Variants in PRKN observed in about 807,000 individuals in gnomAD.
PRKN encodes E3 ubiquitin-protein ligase parkin.
Under a neutral mutation model 59.5 loss-of-function variants are expected in PRKN, and 56 were observed. The ratio of observed to expected loss-of-function variants is 0.94; its 90% CI spans 0.76 to 1.18. The LOEUF (loss-of-function observed/expected upper bound fraction) is 1.18, where lower values mean the gene tolerates loss of function less well. Among genes scored for constraint, PRKN ranks in the 50% most tolerant of loss-of-function variants. The probability of loss-of-function intolerance (pLI) is 0.00; values close to 1 mark genes in which losing one functional copy is unlikely to be tolerated. For synonymous variants in PRKN, 250 were observed against 222.1 expected, an observed-to-expected ratio of 1.13 and a Z score of -1.12; for missense variants, 657 against 596.4, an observed-to-expected ratio of 1.10 and a Z score of -1.06.
chr6:161,855,433 A>C (rs922448141), intron 6 of PRKN, among the ~76,000 whole-genome samples: 1 of 152,196 alleles, frequency 6.6e-6, no homozygotes, highest in African/African-American at 2.4e-5. Context: ...ATTAAAATTG[A>C]CTGAATATAT....
chr6:162,721,937 T>A (rs1276277068), intron 1 of PRKN, among the ~76,000 whole-genome samples: 1 of 152,296 alleles, frequency 6.6e-6, no homozygotes, highest in Non-Finnish European at 1.5e-5. Flanking sequence ...GAGAATCAAA[T>A]GAACAAAAGA....
At chr6:162,455,999 A>G (rs1010663389) in intron 1 of PRKN, among the ~76,000 whole-genome samples, 12 of 152,140 alleles carry the variant, frequency 7.9e-5, no homozygotes, top group African/African-American at 2.7e-4. Context: ...CCAAGTAATT[A>G]GCTTCAAATT....
chr6:161,622,546 T>A (rs552781604), intron 7 of PRKN, among the ~76,000 whole-genome samples: 7 of 152,052 alleles, frequency 4.6e-5, no homozygotes, highest in Non-Finnish European at 7.4e-5. Flanking sequence ...TCCCCCACAC[T>A]CTATGCAGCC....
At chr6:161,921,818 C>A (rs1583349705) in intron 6 of PRKN, among the ~76,000 whole-genome samples, 2 of 152,188 alleles carry the variant, frequency 1.3e-5, no homozygotes, top group African/African-American at 4.8e-5. Flanking sequence ...AGAACGTCAT[C>A]CTCTGAGCCA....
At chr6:162,368,533 C>T (rs955449566) in intron 2 of PRKN, among the ~76,000 whole-genome samples, 1 of 149,146 alleles carries the variant, frequency 6.7e-6, no homozygotes, top group Non-Finnish European at 1.5e-5. Context: ...CCCTCCTAGG[C>T]TTGTCACGAG....
At chr6:161,620,157 A>ATT (rs1226074668) in intron 7 of PRKN, among the ~76,000 whole-genome samples, 12 of 135,660 alleles carry the variant, frequency 8.8e-5, no homozygotes, top group African/African-American at 1.6e-4. Context: ...TGCCCAGCTA[A>ATT]TTTTTTTTTT....
chr6:162,450,074 C>T (rs979343854), intron 1 of PRKN, among the ~76,000 whole-genome samples: 7 of 152,084 alleles, frequency 4.6e-5, no homozygotes, highest in Non-Finnish European at 7.3e-5. Flanking sequence ...CACCTGCCTC[C>T]GAGGAGACAC....
intron 3 of PRKN, among the ~76,000 whole-genome samples, chr6:162,247,213 A>C (rs1011358142): frequency 6.6e-6 from 1 of 152,178 alleles, no homozygotes; most frequent in Non-Finnish European, 1.5e-5. Context: ...TTTGAATACA[A>C]GTTATAATCG....
chr6:161,449,724 G>A (rs539482371), intron 9 of PRKN, among the ~76,000 whole-genome samples: 27 of 152,168 alleles, frequency 1.8e-4, no homozygotes, highest in Non-Finnish European at 3.7e-4. Context: ...GTGTTGGACT[G>A]AGTCAGCGAC....
chr6:161,837,537 ACTT>A lies in PRKN; in HGVS notation c.735-51632_735-51630del, dbSNP rs200414245. ...GCTGCTCTAGGACTCCAATTGATAA[ACTT>A]CTTAATTTCCTGGGTGTCTGGGTTT... On this transcript the variant is annotated intron_variant, in intron 6 of 11. Coordinates refer to ENST00000366898, the MANE Select transcript of PRKN (RefSeq NM_004562.3). 8.0e-3 allele frequency among the ~76,000 whole-genome samples: 1,220 copies of A among 152,028 alleles called. 15 individuals are homozygous for A. Among genetic ancestry groups the A allele is most frequent in the African/African-American group, 0.028 (1,150 of 41,438 alleles).
chr6:162,215,023 C>T (rs1777577238), intron 3 of PRKN, among the ~76,000 whole-genome samples: 1 of 152,092 alleles, frequency 6.6e-6, no homozygotes, highest in Non-Finnish European at 1.5e-5. Flanking sequence ...CATCCTACTT[C>T]CCCATCTGCA....
chr6:162,660,869 C>CCTGG (rs756640933), intron 1 of PRKN, among the ~76,000 whole-genome samples: 27 of 152,068 alleles, frequency 1.8e-4, no homozygotes, highest in Non-Finnish European at 4.0e-4. Context: ...AGTTCAAGTT[C>CCTGG]CTGGGCTGGG....
chr6:162,522,498 G>A (rs1159019088), intron 1 of PRKN, among the ~76,000 whole-genome samples: 1 of 152,204 alleles, frequency 6.6e-6, no homozygotes, highest in East Asian at 1.9e-4. Context: ...TCATGATAAA[G>A]CAGATTAAAG....
intron 1 of PRKN, among the ~76,000 whole-genome samples, chr6:162,674,148 C>G (rs1393245284): frequency 6.6e-6 from 1 of 152,132 alleles, no homozygotes; most frequent in Non-Finnish European, 1.5e-5. Context: ...GCAAAAGATA[C>G]CATTCAGTTC....
intron 4 of PRKN, among the ~76,000 whole-genome samples, chr6:162,173,543 T>C (rs917692641): frequency 3.5e-4 from 53 of 152,076 alleles, no homozygotes; most frequent in Admixed American, 1.9e-3. Flanking sequence ...GCTTTTTTTT[T>C]TTTTTTTAAA....
At chr6:162,364,506 AAAG>A (rs1412889877) in intron 2 of PRKN, among the ~76,000 whole-genome samples, 1 of 152,218 alleles carries the variant, frequency 6.6e-6, no homozygotes, top group Admixed American at 6.5e-5. Context: ...AGAAAGAAAG[AAAG>A]TATCTACTTG....
intron 9 of PRKN, among the ~76,000 whole-genome samples, chr6:161,421,713 T>C (rs995795339): frequency 5.3e-5 from 8 of 152,152 alleles, no homozygotes; most frequent in Non-Finnish European, 1.2e-4. Flanking sequence ...AAGGATAGTA[T>C]AAAGTTAGCA....
Position 161,550,701 on chromosome 6 carries a change from C to A in PRKN, c.934-1698G>T, listed in dbSNP as rs1444797331. Among the ~76,000 whole-genome samples the A allele has an allele frequency of 1.3e-5, 2 of 148,436 alleles. No homozygotes were observed. Among genetic ancestry groups the A allele is most frequent in the South Asian group, 2.1e-4 (1 of 4,710 alleles). ...GACAGGAGGCGGGTAGGGGTGGGGA[C>A]AACTGTGGTAGAAGAAAGGGTATGT... On this transcript the variant is annotated intron_variant, in intron 8 of 11. Coordinates refer to ENST00000366898, the MANE Select transcript of PRKN (RefSeq NM_004562.3). The surrounding 1 kb of genome is among the most constrained non-coding windows in gnomAD (Gnocchi z 4.0).
intron 6 of PRKN, among the ~76,000 whole-genome samples, chr6:161,815,813 G>A (rs926926335): frequency 3.9e-5 from 6 of 152,208 alleles, no homozygotes; most frequent in Admixed American, 3.9e-4. Context: ...GAACTGAGCA[G>A]AGAGAGCTGC....
Sources: allele counts gnomAD v4.1 joint callset (sites outside exome capture counted in the v4.1 genomes callset), GRCh38; gene constraint gnomAD v4.1.1; non-coding constraint Gnocchi (gnomAD v3.1); transcripts MANE v1.5; gene names NCBI Gene and HGNC (gene_info 2026-07-23, HGNC 2026-07-21).